TTC27: variants seen among roughly 807,000 people sequenced by gnomAD.
The protein encoded by TTC27 is tetratricopeptide repeat domain 27, also known as tetratricopeptide repeat protein 27.
A neutral mutation model predicts 115.9 loss-of-function variants in TTC27; 79 were observed. That is an observed-to-expected ratio of 0.68 (90% CI 0.57 to 0.82). The LOEUF (loss-of-function observed/expected upper bound fraction) is 0.82, where lower values mean the gene tolerates loss of function less well. Ranked by LOEUF, TTC27 falls within the 40% of genes least tolerant of loss-of-function variation. The pLI is 0.00. For missense variants in TTC27, 1,054 were observed against 993.1 expected, an observed-to-expected ratio of 1.06 and a Z score of -0.82; for synonymous variants, 401 against 356.0, an observed-to-expected ratio of 1.13 and a Z score of -1.42.
chr2:32,628,439 G>A, intron 1 of TTC27, 59 bp downstream of exon 1: 1 of 1,422,900 alleles, frequency 7.0e-7, no homozygotes, highest in Non-Finnish European at 9.4e-7. Context: ...AAAAGGGATG[G>A]CAGCGACTGA....
rs569958921 is a variant in TTC27 at position 32,649,844 on chromosome 2, AC to A, written c.538-286del. On this transcript the variant is annotated intron_variant, in intron 4 of 19. Coordinates refer to ENST00000317907, the MANE Select transcript of TTC27 (RefSeq NM_017735.5). ...CAGGTGTGAGCCATCGCACCCGGCC[AC>A]AACATATATTTTAAAGGAGGAGTTG... Among the ~76,000 whole-genome samples the A allele has an allele frequency of 2.2e-4, 33 of 152,086 alleles. No homozygotes were observed. The South Asian group carries it at 6.9e-3, about 32-fold the overall frequency.
At chr2:32,732,075 T>C (rs1268405596) in intron 10 of TTC27, among the ~76,000 whole-genome samples, 2 of 152,230 alleles carry the variant, frequency 1.3e-5, no homozygotes, top group African/African-American at 2.4e-5. Flanking sequence ...AAAAACTGAA[T>C]TGATAAAAAA....
At chr2:32,711,137 AAAG>A (rs1208910742) in intron 10 of TTC27, among the ~76,000 whole-genome samples, 1,950 of 149,080 alleles carry the variant, frequency 0.013, 48 homozygotes, top group African/African-American at 0.035. Context: ...AAAAAAAAAA[AAAG>A]AAGAAGAAGA....
chr2:32,786,878 G>T (rs1481473474), intron 15 of TTC27, 106 bp from the exon 16 acceptor site: 1 of 990,766 alleles, frequency 1.0e-6, no homozygotes, highest in African/African-American at 1.7e-5. Flanking sequence ...TTATATGAAC[G>T]AATAAGGACG....
intron 3 of TTC27, 91 bp from the exon 4 acceptor site, chr2:32,640,179 G>A (rs1038923977): frequency 1.6e-6 from 2 of 1,264,220 alleles, no homozygotes; most frequent in Admixed American, 2.4e-5. Flanking sequence ...TCAAAGCTGA[G>A]TTGACTGGAA....
chr2:32,807,735 T>C (rs2148043194), intron 16 of TTC27, among the ~76,000 whole-genome samples: 1 of 152,294 alleles, frequency 6.6e-6, no homozygotes, highest in African/African-American at 2.4e-5. Context: ...CCTGCCTTCC[T>C]TGTTCTGGCT....
At position 32,636,519 on chromosome 2, in the gene TTC27, C is replaced by A. The variant is rs150623363; in HGVS notation, c.396+2514C>A. Reference sequence around the variant, plus strand: ...TGAGCCACTGCGCCTGGCCTTAATTCACATTTCTTGTGCCAATTTGGTCCT... The same window carrying A: ...TGAGCCACTGCGCCTGGCCTTAATTAACATTTCTTGTGCCAATTTGGTCCT... On this transcript the variant is annotated intron_variant, in intron 3 of 19. Coordinates refer to ENST00000317907, the MANE Select transcript of TTC27 (RefSeq NM_017735.5). 1.9e-4 allele frequency among the ~76,000 whole-genome samples: 29 copies of A among 152,286 alleles called. No homozygotes were observed. In the East Asian group the frequency reaches 5.6e-3, roughly 29 times the overall value.
At chr2:32,773,520 T>TA (rs1386442414) in intron 13 of TTC27, among the ~76,000 whole-genome samples, 1 of 152,230 alleles carries the variant, frequency 6.6e-6, no homozygotes, top group African/African-American at 2.4e-5. Context: ...GGCTTGTGTA[T>TA]AGGCAGAATG....
chr2:32,713,144 T>G (rs770185604), intron 10 of TTC27, among the ~76,000 whole-genome samples: 6 of 152,166 alleles, frequency 3.9e-5, no homozygotes, highest in African/African-American at 7.2e-5. Flanking sequence ...TTCCAGATGC[T>G]GGCCCTTCCA....
At chr2:32,781,565 G>A (rs1388704938) in intron 14 of TTC27, among the ~76,000 whole-genome samples, 1 of 151,948 alleles carries the variant, frequency 6.6e-6, no homozygotes, top group Non-Finnish European at 1.5e-5. Context: ...TTGTTTTTAA[G>A]CTTGTTAAAG....
chr2:32,724,884 A>G (rs1473532013), intron 10 of TTC27, among the ~76,000 whole-genome samples: 1 of 152,238 alleles, frequency 6.6e-6, no homozygotes, highest in African/African-American at 2.4e-5. Context: ...AAAGGGTATA[A>G]TGGACTTAGA....
chr2:32,640,033 A>C (rs1458551211), intron 3 of TTC27, among the ~76,000 whole-genome samples: 1 of 150,542 alleles, frequency 6.6e-6, no homozygotes, highest in Non-Finnish European at 1.5e-5. Context: ...AAAACACCAA[A>C]AACCCAAAAA....
intron 13 of TTC27, among the ~76,000 whole-genome samples, chr2:32,776,980 A>AT (rs148364373): frequency 0.062 from 9,422 of 151,756 alleles, 497 homozygotes; most frequent in African/African-American, 0.15. Flanking sequence ...TGATGTACAG[A>AT]TTTTTTTTTG....
At chr2:32,700,789 G>T (rs1458426566) in intron 9 of TTC27, among the ~76,000 whole-genome samples, 2 of 152,034 alleles carry the variant, frequency 1.3e-5, no homozygotes, top group Non-Finnish European at 2.9e-5. Flanking sequence ...ATCCACCCGC[G>T]TCAGCCTCCC....
chr2:32,742,959 A>G (rs1668694345), intron 12 of TTC27, among the ~76,000 whole-genome samples: 1 of 152,072 alleles, frequency 6.6e-6, no homozygotes, highest in African/African-American at 2.4e-5. Context: ...CTAATTGGGG[A>G]ACCTTAAATT....
intron 9 of TTC27, among the ~76,000 whole-genome samples, chr2:32,702,019 A>AC (rs1203832753): frequency 0.015 from 1,854 of 127,428 alleles, 31 homozygotes; most frequent in African/African-American, 0.036. Context: ...TCAAAAAAAA[A>AC]AAAAAACAAA....
chr2:32,633,401 T>A (rs1023564810), intron 2 of TTC27, among the ~76,000 whole-genome samples: 1 of 152,134 alleles, frequency 6.6e-6, no homozygotes, highest in Non-Finnish European at 1.5e-5. Flanking sequence ...ATATTGGATA[T>A]TGTAGACCTA....
At chr2:32,697,234 T>A (rs1256440226) in intron 9 of TTC27, among the ~76,000 whole-genome samples, 7 of 151,750 alleles carry the variant, frequency 4.6e-5, no homozygotes, top group Admixed American at 4.6e-4. Flanking sequence ...GTAGCTAGAA[T>A]TCTATGGTAA....
chr2:32,707,259 G>T (rs1460622166), intron 10 of TTC27, among the ~76,000 whole-genome samples: 1 of 152,216 alleles, frequency 6.6e-6, no homozygotes, highest in Non-Finnish European at 1.5e-5. Context: ...AGAGCATGGT[G>T]TCAGGATGTG....
Sources: gnomAD v4.1 joint callset for allele counts (sites outside exome capture counted in the v4.1 genomes callset) on GRCh38, gnomAD v4.1.1 for gene constraint, MANE v1.5 for transcripts, NCBI Gene and HGNC (gene_info 2026-07-23, HGNC 2026-07-21) for gene names.